The following DOCK7 variants were observed in gnomAD, a reference collection of about 807,000 sequenced individuals.
DOCK7 encodes the protein dedicator of cytokinesis protein 7.
A neutral mutation model predicts 271.0 loss-of-function variants in DOCK7; 138 were observed. That is an observed-to-expected ratio of 0.51 (90% confidence interval 0.44 to 0.59). DOCK7 has a LOEUF of 0.59. DOCK7 is among the 20% of genes least tolerant of loss of function. The pLI, the probability that DOCK7 is intolerant of heterozygous loss-of-function variation, is 0.00. For missense variants in DOCK7, 2,066 were observed against 2,592.4 expected (o/e 0.80, Z 4.41); for synonymous variants, 823 against 876.1 (o/e 0.94, Z 1.07).
chr1:62,628,785 A>G (rs369835945), intron 11 of DOCK7: 1 of 152,246 alleles, frequency 6.6e-6, no homozygotes, highest in Admixed American at 6.5e-5. Context: ...GCTATCATAT[A>G]TTAGGCAAGG....
At chr1:62,552,631 T>G (rs1396703867) in intron 22 of DOCK7, 101 bp downstream of exon 22, 5 of 1,184,688 alleles carry the variant, frequency 4.2e-6, no homozygotes, top group Non-Finnish European at 5.8e-6. Context: ...AATTCCTAAC[T>G]TACATACATC....
chr1:62,480,052 T>C (rs541375994), intron 43 of DOCK7, among the ~76,000 whole-genome samples: 1 of 152,348 alleles, frequency 6.6e-6, no homozygotes, highest in African/African-American at 2.4e-5. Context: ...TCTTCAATAT[T>C]GTGGCCCTTT....
At chr1:62,673,725 CT>C (rs1660252183) in intron 1 of DOCK7, among the ~76,000 whole-genome samples, 1 of 152,228 alleles carries the variant, frequency 6.6e-6, no homozygotes, top group South Asian at 2.1e-4. Flanking sequence ...CGTGTTTATT[CT>C]AACTCTTAAA....
At chr1:62,645,086 C>T (rs1299243883) in intron 7 of DOCK7, among the ~76,000 whole-genome samples, 1 of 152,052 alleles carries the variant, frequency 6.6e-6, no homozygotes, top group African/African-American at 2.4e-5. Flanking sequence ...TTAGAATCAT[C>T]CTAACTTGCT....
At chr1:62,647,834 C>T (rs1191543044) in intron 6 of DOCK7, 58 bp from the exon 7 acceptor site, 5 of 1,297,672 alleles carry the variant, frequency 3.9e-6, no homozygotes, top group Non-Finnish European at 5.5e-6. Context: ...AACTCTTTAT[C>T]TTTTTCAGAA....
rs376363239 is a variant in DOCK7, at chr1:62,552,894, C to T, written c.2604G>A (p.Gly868=). 1 of 1,603,184 alleles carries T rather than the reference C, an allele frequency of 6.2e-7. No individual in the cohort carries two copies. Among genetic ancestry groups the T allele is most frequent in the Admixed American group, 1.7e-5 (1 of 59,316 alleles). ...TYPNSSSPGP[G]GLGGSVHYAT... is the part of the protein sequence containing the mutation. ...CATAATGCACTGATCCTCCCAAACC[C>T]CCAGGACCTAGAGTTGTATATGAAA... is the stretch of plus-strand genomic sequence containing the variant. Residue 868 remains glycine (G), a synonymous_variant, in exon 22 of 50, where the codon GGG becomes GGA. Coordinates refer to ENST00000635253, the MANE Select transcript of DOCK7 (RefSeq NM_001367561.1).
Position 62,474,048 on chromosome 1 carries a change from G to C in DOCK7, c.6146C>G (p.Pro2049Arg), listed in dbSNP as rs1645904828. ...ATGTCTGAAGAGCTTTGGGTCACTA[G>C]GTATTTCAGACAGAAAAACCTGGGC... The part of the protein sequence containing the change: ...EVAQVFLSEI[P>R]SDPKLFRHHN... Residue 2049 changes from proline to arginine, a missense_variant, in exon 48 of 50, where the codon CCT (proline) becomes CGT (arginine). By Grantham distance (103) the Pro-to-Arg change is moderately radical. Transcript: ENST00000635253. The C allele has an allele frequency of 6.2e-7, 1 of 1,613,906 alleles. No individual in the cohort carries two copies. Among genetic ancestry groups the C allele is most frequent in the South Asian group, 1.1e-5 (1 of 91,038 alleles).
In DOCK7 at chr1:62,475,316, G is replaced by A. The variant is rs2149258747; in HGVS notation, c.5997C>T (p.Asp1999=). Reference sequence around the variant, plus strand: ...CCAACTCCTGTGTCTTTTTCTGCATGTCCTCAATAGCAACTTCAATTGGTG... The same window carrying A: ...CCAACTCCTGTGTCTTTTTCTGCATATCCTCAATAGCAACTTCAATTGGTG... ...ILTPIEVAIE[D]MQKKTQELAF... The change falls in exon 47 of 50, where the codon GAC becomes GAT. Residue 1999 remains aspartate, a synonymous_variant. Transcript: ENST00000635253. The A allele has an allele frequency of 1.2e-6, 2 of 1,613,884 alleles. No individual in the cohort carries two copies. The highest frequency in any genetic ancestry group is 2.2e-5 in the South Asian group (2 of 91,066).
intron 1 of DOCK7, among the ~76,000 whole-genome samples, chr1:62,680,501 C>G (rs376606630): frequency 6.6e-6 from 1 of 150,672 alleles, no homozygotes; most frequent in Admixed American, 6.6e-5. Flanking sequence ...GTCTAAAACA[C>G]CAAAAGCAAT....
intron 24 of DOCK7, among the ~76,000 whole-genome samples, chr1:62,543,117 AT>A (rs1480910047): frequency 2.0e-5 from 3 of 150,996 alleles, no homozygotes; most frequent in African/African-American, 4.9e-5. Flanking sequence ...AAACTTTGCT[AT>A]GAGCCATTAA....
At chr1:62,543,491 G>A (rs1645601060) in intron 24 of DOCK7, 165 bp downstream of exon 24, 1 of 463,768 alleles carries the variant, frequency 2.2e-6, no homozygotes, top group African/African-American at 1.9e-5. Context: ...ACATTGACAA[G>A]ATATGCCCCA....
intron 1 of DOCK7, 29 bp downstream of exon 1, chr1:62,688,198 C>G: frequency 7.3e-7 from 1 of 1,366,382 alleles, no homozygotes; most frequent in Non-Finnish European, 9.5e-7. Context: ...CGGGCGGCGG[C>G]GGCGGCGCGC....
At chr1:62,584,020 T>C (rs571191300) in intron 15 of DOCK7, 3 of 456,684 alleles carry the variant, frequency 6.6e-6, no homozygotes, top group African/African-American at 6.4e-5. Flanking sequence ...AGCCAGAGAT[T>C]AAACTTTTAA....
chr1:62,684,065 T>C (rs2769486), intron 1 of DOCK7, among the ~76,000 whole-genome samples: 148,960 of 152,166 alleles, frequency 0.98, 72,993 homozygotes, highest in East Asian at 1. Flanking sequence ...CATGGTGAAA[T>C]CCCGTCACTA....
chr1:62,591,251 GA>G (rs1266154175), intron 14 of DOCK7, among the ~76,000 whole-genome samples: 1 of 152,154 alleles, frequency 6.6e-6, no homozygotes, highest in African/African-American at 2.4e-5. Flanking sequence ...TGCAGGAAGA[GA>G]AAACCAAATA....
At chr1:62,491,215 T>A (rs1646455536) in intron 41 of DOCK7, among the ~76,000 whole-genome samples, 1 of 152,178 alleles carries the variant, frequency 6.6e-6, no homozygotes, top group Admixed American at 6.5e-5. Context: ...CCTTTATCAA[T>A]ATATTGCAGG....
chr1:62,564,783 C>A (rs1646454160), intron 18 of DOCK7, among the ~76,000 whole-genome samples: 1 of 151,664 alleles, frequency 6.6e-6, no homozygotes, highest in Non-Finnish European at 1.5e-5. Context: ...TGGAAAAGAT[C>A]AACAAAATAG....
At chr1:62,678,715 G>A (rs898593198) in intron 1 of DOCK7, among the ~76,000 whole-genome samples, 2 of 151,802 alleles carry the variant, frequency 1.3e-5, no homozygotes, top group Non-Finnish European at 2.9e-5. Flanking sequence ...TTTTAAAGGT[G>A]GAAGGAGTTA....
At chr1:62,594,294 T>C (rs1030250690) in intron 14 of DOCK7, among the ~76,000 whole-genome samples, 4 of 152,130 alleles carry the variant, frequency 2.6e-5, no homozygotes, top group Non-Finnish European at 4.4e-5. Context: ...TTTTCCCACG[T>C]TGAAATGCTT....
Sources: gnomAD v4.1 joint callset for allele counts (sites outside exome capture counted in the v4.1 genomes callset) on GRCh38, gnomAD v4.1.1 for gene constraint, MANE v1.5 for transcripts, NCBI Gene and HGNC (gene_info 2026-07-23, HGNC 2026-07-21) for gene names.